GASK1B: variants seen among roughly 807,000 people sequenced by gnomAD.
GASK1B encodes golgi associated kinase 1B.
In GASK1B, 34 loss-of-function variants were observed where a neutral mutation model predicts 42.8. That is an observed-to-expected ratio of 0.79 (90% CI 0.60 to 1.06). GASK1B has a LOEUF of 1.06. GASK1B is among the 50% of genes least tolerant of loss of function. The pLI is 0.00. For synonymous variants in GASK1B, 262 were observed against 259.1 expected (o/e 1.01, Z -0.11); for missense variants, 686 against 661.0 (o/e 1.04, Z -0.42).
At chr4:158,135,314 C>T (rs1730841727) in intron 3 of GASK1B, among the ~76,000 whole-genome samples, 1 of 128,734 alleles carries the variant, frequency 7.8e-6, no homozygotes, top group Non-Finnish European at 1.6e-5. Flanking sequence ...GGGTGAGACT[C>T]CGTCTCAAAA....
At chr4:158,134,040 T>A (rs182633331) in intron 3 of GASK1B, among the ~76,000 whole-genome samples, 1 of 152,350 alleles carries the variant, frequency 6.6e-6, no homozygotes, top group East Asian at 1.9e-4. Flanking sequence ...TTTGTATTAT[T>A]GCCCTTGTCT....
rs1730455763 is a variant in GASK1B, at chr4:158,126,391, T to C, written c.*1016A>G. On this transcript the variant is annotated 3_prime_UTR_variant, in exon 5 of 5. Transcript: ENST00000585682. ...CGCAGGTTTTAACTTATTTTGCTCA[T>C]ATTACTCATGTTGAAATAAGCCAGA... 2 of 152,162 alleles carry C rather than the reference T, an allele frequency of 1.3e-5. No individual in the cohort carries two copies. The highest frequency in any genetic ancestry group is 4.8e-5 in the African/African-American group (2 of 41,456). 9.4% of individuals were successfully genotyped at this position (152,162 alleles called of 1,614,324 possible). A position where few individuals can be genotyped will look rare whatever the true frequency, so the allele number is the denominator to read the frequency against.
rs1053691287 is a variant in GASK1B at position 158,148,951 on chromosome 4, A to G, written c.1125+6660T>C. Among the ~76,000 whole-genome samples, 62 of 152,310 alleles carry G rather than the reference A, an allele frequency of 4.1e-4. 1 individual carries two copies. Among genetic ancestry groups the G allele is most frequent in the African/African-American group, 1.5e-3 (61 of 41,578 alleles). On this transcript the variant is annotated intron_variant, in intron 3 of 4. Coordinates refer to ENST00000585682, the MANE Select transcript of GASK1B (RefSeq NM_001128424.2). ...AAGTAAACAGACATTTTGGAGAAAT[A>G]TCTCTCTTCCTCTATGTTGAGGAAT...
chr4:158,142,296 T>C (rs1307982860), intron 3 of GASK1B, among the ~76,000 whole-genome samples: 2 of 152,144 alleles, frequency 1.3e-5, no homozygotes, highest in African/African-American at 4.8e-5. Context: ...TTCCACACTG[T>C]AGAACATTCA....
chr4:158,169,994 TG>T, intron 2 of GASK1B: 2 of 522,128 alleles, frequency 3.8e-6, no homozygotes, highest in Non-Finnish European at 6.7e-6. Context: ...TAACATGGTC[TG>T]GCTCTGCGCG....
chr4:158,172,230 A>G (rs1363834088), intron 1 of GASK1B: 2 of 151,762 alleles, frequency 1.3e-5, no homozygotes, highest in Non-Finnish European at 2.9e-5. Flanking sequence ...ACTGCTTTTT[A>G]TTTCTTTTCT....
intron 3 of GASK1B, among the ~76,000 whole-genome samples, chr4:158,137,865 T>C (rs1397713970): frequency 6.6e-6 from 1 of 152,228 alleles, no homozygotes; most frequent in African/African-American, 2.4e-5. Flanking sequence ...GAGCAGTTGA[T>C]GAATGAAGAG....
rs1276655220 is a variant in GASK1B at position 158,127,550 on chromosome 4, G to C, written c.1417C>G (p.Leu473Val). The change falls in exon 5 of 5, where the codon CTG becomes GTG. Residue 473 changes from leucine (L) to valine (V), a missense_variant. Coordinates refer to ENST00000585682, the MANE Select transcript of GASK1B (RefSeq NM_001128424.2). ...QHLRQKLLQSLFLDKVYWESQ... is the reference protein window; with the variant it reads ...QHLRQKLLQSVFLDKVYWESQ... Reference sequence around the variant, plus strand: ...TCCCAATACACTTTATCAAGAAACAGAGACTGAAGAAGTTTCTGCCGTAAG... The same window carrying C: ...TCCCAATACACTTTATCAAGAAACACAGACTGAAGAAGTTTCTGCCGTAAG... The C allele has an allele frequency of 2.5e-6, 4 of 1,613,642 alleles. No individual in the cohort carries two copies. Among genetic ancestry groups the C allele is most frequent in the Non-Finnish European group, 3.4e-6 (4 of 1,179,766 alleles).
At position 158,130,986 on chromosome 4, in the gene GASK1B, G is replaced by A. The variant is rs1221159703; in HGVS notation, c.1152C>T (p.Cys384=). Residue 384 remains cysteine (C), a synonymous_variant, in exon 4 of 5, where the codon TGC becomes TGT. Coordinates refer to ENST00000585682, the MANE Select transcript of GASK1B (RefSeq NM_001128424.2). ...LQIYNRLDTN[C]CGFRPRKEDA... ...CTTCCTTGCGAGGTCTGAATCCACA[G>A]CAATTTGTATCTAAGCGATTATAAA... 1 of 1,613,766 alleles carries A rather than the reference G, an allele frequency of 6.2e-7. No homozygotes were observed. Among genetic ancestry groups the A allele is most frequent in the Non-Finnish European group, 8.5e-7 (1 of 1,179,864 alleles).
At chr4:158,150,007 C>A (rs1485581038) in intron 3 of GASK1B, among the ~76,000 whole-genome samples, 1 of 140,516 alleles carries the variant, frequency 7.1e-6, no homozygotes, top group Non-Finnish European at 1.5e-5. Context: ...TCACTGCAAG[C>A]TCCGCCTCCC....
chr4:158,148,479 A>G (rs12502811), intron 3 of GASK1B, among the ~76,000 whole-genome samples: 140,841 of 152,242 alleles, frequency 0.93, 65,419 homozygotes, highest in East Asian at 0.98. Flanking sequence ...AACAAAATAC[A>G]TAAGTCCACT....
intron 3 of GASK1B, among the ~76,000 whole-genome samples, chr4:158,135,578 G>T (rs528448666): frequency 8.6e-5 from 13 of 151,516 alleles, no homozygotes; most frequent in African/African-American, 2.7e-4. Flanking sequence ...CCTCCCCAAG[G>T]CCTCTCAACT....
intron 3 of GASK1B, among the ~76,000 whole-genome samples, chr4:158,137,226 T>C (rs1380293125): frequency 2.0e-5 from 3 of 152,130 alleles, no homozygotes; most frequent in Non-Finnish European, 2.9e-5. Context: ...ATGTATGTAA[T>C]AGGCATTCAA....
chr4:158,139,316 G>T (rs1324267784), intron 3 of GASK1B, among the ~76,000 whole-genome samples: 11 of 152,274 alleles, frequency 7.2e-5, no homozygotes, highest in African/African-American at 2.6e-4. Flanking sequence ...ATAAATGTTT[G>T]TTGAAAGAAA....
intron 3 of GASK1B, among the ~76,000 whole-genome samples, chr4:158,144,449 A>C (rs967411038): frequency 6.6e-6 from 1 of 152,218 alleles, no homozygotes; most frequent in African/African-American, 2.4e-5. Context: ...TTAAAAGTCT[A>C]TAATAACCAC....
At position 158,171,467 on chromosome 4, in the gene GASK1B, G is replaced by C. The variant is rs1306587081; in HGVS notation, c.-92C>G. ...ATGGTTTCCTGACTTCAGCTGCCGC[G>C]TCCGCTTCGGGATATAAGTGGTCTC... On this transcript the variant is annotated 5_prime_UTR_variant, in exon 2 of 5. Transcript: ENST00000585682. 13 of 1,395,592 alleles carry C rather than the reference G, an allele frequency of 9.3e-6. No homozygotes were observed. The East Asian group carries it at 3.2e-4, about 34-fold the overall frequency. 86.5% of individuals were successfully genotyped at this position (1,395,592 alleles called of 1,614,324 possible).
In GASK1B at chr4:158,155,647, C is replaced by T. The variant is rs1731728965; in HGVS notation, c.1089G>A (p.Glu363=). 5 of 1,613,812 alleles carry T rather than the reference C, an allele frequency of 3.1e-6. No individual in the cohort carries two copies. The highest frequency in any genetic ancestry group is 4.2e-6 in the Non-Finnish European group (5 of 1,179,760). The change falls in exon 3 of 5, where the codon GAG becomes GAA. Residue 363 remains glutamate, a synonymous_variant. Coordinates refer to ENST00000585682, the MANE Select transcript of GASK1B (RefSeq NM_001128424.2). The part of the protein sequence containing the change: ...ESGCTEIHHH[E]WSKMALFDFL... ...AATCAAAGAGTGCCATCTTGGACCA[C>T]TCATGATGATGTATTTCAGTACAAC... is the stretch of plus-strand genomic sequence containing the variant.
chr4:158,134,525 C>G, intron 3 of GASK1B, among the ~76,000 whole-genome samples: 1 of 152,144 alleles, frequency 6.6e-6, no homozygotes, highest in Non-Finnish European at 1.5e-5. Flanking sequence ...ACAGGAATGT[C>G]TTTTCCAAAA....
chr4:158,154,436 T>C lies in GASK1B; in HGVS notation c.1125+1175A>G, dbSNP rs372077617. Among the ~76,000 whole-genome samples, 227 of 152,292 alleles carry C rather than the reference T, an allele frequency of 1.5e-3. 1 individual carries two copies. Among genetic ancestry groups the C allele is most frequent in the African/African-American group, 5.1e-3 (211 of 41,562 alleles). On this transcript the variant is annotated intron_variant, in intron 3 of 4. Coordinates refer to ENST00000585682, the MANE Select transcript of GASK1B (RefSeq NM_001128424.2). ...GGAATGTAAACTAGTACAACTACTA[T>C]GGGAAACAGTGTGAAGATTCCTTAA...
Sources: gnomAD v4.1 joint callset for allele counts (sites outside exome capture counted in the v4.1 genomes callset) on GRCh38, gnomAD v4.1.1 for gene constraint, MANE v1.5 for transcripts, NCBI Gene and HGNC (gene_info 2026-07-23, HGNC 2026-07-21) for gene names.